SLC7A14: variants seen among roughly 807,000 people sequenced by gnomAD.
SLC7A14 encodes the protein gamma-aminobutyric acid transporter SLC7A14.
In SLC7A14, 37 loss-of-function variants were observed where a neutral mutation model predicts 60.2. That is an observed-to-expected ratio of 0.61 (90% confidence interval 0.47 to 0.81). SLC7A14 has a LOEUF of 0.81. Among genes scored for constraint, SLC7A14 ranks in the 30% least tolerant of loss-of-function variants. SLC7A14 has a pLI of 0.00. For missense variants in SLC7A14, 886 were observed against 982.7 expected (o/e 0.90, Z 1.32); for synonymous variants, 399 against 395.8 (o/e 1.01, Z -0.10).
At chr3:170,561,824 G>A (rs1282676943) in intron 1 of SLC7A14, among the ~76,000 whole-genome samples, 1 of 152,064 alleles carries the variant, frequency 6.6e-6, no homozygotes, top group Non-Finnish European at 1.5e-5. Flanking sequence ...TTCAAAAAGT[G>A]GACTAAGGGC....
chr3:170,578,356 T>C (rs1321133478), intron 1 of SLC7A14, among the ~76,000 whole-genome samples: 1 of 151,968 alleles, frequency 6.6e-6, no homozygotes, highest in East Asian at 1.9e-4. Flanking sequence ...TGAAGTTCTA[T>C]TCACCATCTT....
At chr3:170,486,182 C>G in intron 5 of SLC7A14, 40 bp downstream of exon 5, 1 of 1,609,320 alleles carries the variant, frequency 6.2e-7, no homozygotes, top group Non-Finnish European at 8.5e-7. Flanking sequence ...AGTGCCAGGG[C>G]CACATCGTGA....
chr3:170,480,590 C>A lies in SLC7A14; in HGVS notation c.1692G>T (p.Thr564=). 1 of 1,614,186 alleles carries A rather than the reference C, an allele frequency of 6.2e-7. No individual in the cohort carries two copies. The highest frequency in any genetic ancestry group is 8.5e-7 in the Non-Finnish European group (1 of 1,180,032). The part of the protein sequence containing the change: ...MDRPTAATGH[T]VTICVLLLFI... The stretch of plus-strand genomic sequence containing the variant: ...AGAGCAGGAGCACGCAGATGGTCAC[C>A]GTGTGCCCCGTCGCTGCTGTGGGCC... Residue 564 remains threonine, a synonymous_variant, in exon 7 of 8, where the codon ACG becomes ACT. Coordinates refer to ENST00000231706, the MANE Select transcript of SLC7A14 (RefSeq NM_020949.3).
intron 1 of SLC7A14, among the ~76,000 whole-genome samples, chr3:170,529,117 C>G (rs1713598205): frequency 6.6e-6 from 1 of 152,146 alleles, no homozygotes; most frequent in African/African-American, 2.4e-5. Flanking sequence ...ACAAACATCG[C>G]ATATCTATTG....
rs940787633 is a variant in SLC7A14, at chr3:170,459,638, A to G, written c.*7417T>C. 4.6e-5 allele frequency: 7 copies of G among 152,346 alleles called. No individual in the cohort carries two copies. Among genetic ancestry groups the G allele is most frequent in the Admixed American group, 3.3e-4 (5 of 15,300 alleles). The allele number at this position is 152,346 out of a possible 1,614,324, so 9.4% of individuals were successfully genotyped here. ...GAATTTTCCACAATAATGCAATTCA[A>G]AGTGAACTCATTTATCTGGCTTTTC... is the stretch of plus-strand genomic sequence containing the variant. On this transcript the variant is annotated 3_prime_UTR_variant, in exon 8 of 8. Transcript: ENST00000231706.
chr3:170,475,070 A>G (rs1711569609), intron 7 of SLC7A14, among the ~76,000 whole-genome samples: 1 of 152,258 alleles, frequency 6.6e-6, no homozygotes, highest in South Asian at 2.1e-4. Flanking sequence ...ACTAAAAGGA[A>G]AATGAAGGCT....
At chr3:170,538,756 G>A (rs963844135) in intron 1 of SLC7A14, among the ~76,000 whole-genome samples, 4 of 152,232 alleles carry the variant, frequency 2.6e-5, no homozygotes, top group African/African-American at 9.6e-5. Flanking sequence ...TCTCAGGCTG[G>A]CCTGCAAGAT....
intron 4 of SLC7A14, among the ~76,000 whole-genome samples, chr3:170,494,780 A>G (rs1712328316): frequency 6.6e-6 from 1 of 152,268 alleles, no homozygotes; most frequent in Non-Finnish European, 1.5e-5. Flanking sequence ...TCTATCTCTT[A>G]ATGTTCCTCC....
At chr3:170,518,399 GC>G (rs1713238007) in intron 2 of SLC7A14, among the ~76,000 whole-genome samples, 1 of 152,000 alleles carries the variant, frequency 6.6e-6, no homozygotes, top group African/African-American at 2.4e-5. Context: ...AGCCTTTCTT[GC>G]CCTCCCTCCT....
intron 1 of SLC7A14, among the ~76,000 whole-genome samples, chr3:170,577,226 T>C (rs981772740): frequency 6.6e-6 from 1 of 152,178 alleles, no homozygotes; most frequent in Non-Finnish European, 1.5e-5. Context: ...TAGTGAATGG[T>C]GCTGGCCCAA....
intron 1 of SLC7A14, among the ~76,000 whole-genome samples, chr3:170,584,119 A>T (rs1715309486): frequency 6.6e-6 from 1 of 152,212 alleles, no homozygotes; most frequent in Non-Finnish European, 1.5e-5. Context: ...TAAATGAAAT[A>T]TTATTACCCA....
At chr3:170,504,113 C>T (rs577183164) in intron 2 of SLC7A14, among the ~76,000 whole-genome samples, 2 of 152,212 alleles carry the variant, frequency 1.3e-5, no homozygotes, top group East Asian at 3.9e-4. Context: ...GAAATTCAGA[C>T]TTAGAGTGGG....
Position 170,480,707 on chromosome 3 carries a change from G to A in SLC7A14, c.1575C>T (p.Ser525=), listed in dbSNP as rs369279799. Residue 525 remains serine, a synonymous_variant, in exon 7 of 8, where the codon TCC becomes TCT. Coordinates refer to ENST00000231706, the MANE Select transcript of SLC7A14 (RefSeq NM_020949.3). ...DMTTGIEADE[S]ENIYLIKLKK... is the part of the protein sequence containing the mutation. ...TTAACTTGATGAGATAAATATTTTC[G>A]GATTCATCAGCTTCTATGCCTGTGG... 37 of 1,614,046 alleles carry A rather than the reference G, an allele frequency of 2.3e-5. No homozygotes were observed. The highest frequency in any genetic ancestry group is 1.1e-4 in the African/African-American group (8 of 74,900).
intron 2 of SLC7A14, among the ~76,000 whole-genome samples, chr3:170,520,316 A>G (rs1210618931): frequency 6.6e-6 from 1 of 152,100 alleles, no homozygotes; most frequent in East Asian, 1.9e-4. Context: ...TGCACTTAGA[A>G]CTCTTTTGGT....
intron 1 of SLC7A14, among the ~76,000 whole-genome samples, chr3:170,531,092 A>G (rs1186506389): frequency 1.3e-5 from 2 of 152,202 alleles, no homozygotes; most frequent in African/African-American, 2.4e-5. Context: ...AGTATGGCCT[A>G]TATACAGGGG....
chr3:170,572,132 G>A (rs1211781630), intron 1 of SLC7A14, among the ~76,000 whole-genome samples: 10 of 151,230 alleles, frequency 6.6e-5, no homozygotes, highest in African/African-American at 2.4e-4. Flanking sequence ...TACCAAATCT[G>A]TGAACTCCTG....
intron 1 of SLC7A14, among the ~76,000 whole-genome samples, chr3:170,546,231 G>A (rs1390639242): frequency 6.6e-6 from 1 of 152,208 alleles, no homozygotes; most frequent in African/African-American, 2.4e-5. Context: ...TGGTGGAGAG[G>A]AGCACACCAG....
Position 170,483,369 on chromosome 3 carries a change from G to C in SLC7A14, c.1060C>G (p.Leu354Val), listed in dbSNP as rs1407324998. The change falls in exon 6 of 8, where the codon CTC (leucine) becomes GTC (valine). Residue 354 changes from leucine (L) to valine (V), a missense_variant. By Grantham distance (32) the Leu-to-Val change is conservative. Transcript: ENST00000231706. ...AGLTVSLLGS[L>V]FPMPRVIYAM... ...TAAATGACCCTCGGCATCGGGAAGA[G>C]GGACCCCAGCAAGCTGACTGTCAGT... 1 of 1,614,148 alleles carries C rather than the reference G, an allele frequency of 6.2e-7. No homozygotes were observed. The highest frequency in any genetic ancestry group is 2.2e-5 in the East Asian group (1 of 44,884).
chr3:170,474,064 C>T (rs1249082863), intron 7 of SLC7A14, among the ~76,000 whole-genome samples: 1 of 152,118 alleles, frequency 6.6e-6, no homozygotes, highest in Admixed American at 6.5e-5. Context: ...TTTGTAACAG[C>T]CCTCAACTAG....
Sources: allele counts gnomAD v4.1 joint callset (sites outside exome capture counted in the v4.1 genomes callset), GRCh38; gene constraint gnomAD v4.1.1; transcripts MANE v1.5; gene names NCBI Gene and HGNC (gene_info 2026-07-23, HGNC 2026-07-21).